The following RTTN variants were observed in gnomAD, a reference collection of about 807,000 sequenced individuals.
RTTN encodes the protein rotatin.
In RTTN, 182 loss-of-function variants were observed where a neutral mutation model predicts 269.2. That is an observed-to-expected ratio of 0.68 (90% CI 0.60 to 0.76). RTTN has a LOEUF of 0.76. RTTN is among the 30% of genes least tolerant of loss of function. RTTN has a pLI of 0.00. For missense variants in RTTN, 2,545 were observed against 2,608.6 expected, an observed-to-expected ratio of 0.98 and a Z score of 0.53; for synonymous variants, 1,006 against 963.5, an observed-to-expected ratio of 1.04 and a Z score of -0.82.
chr18:70,192,820 A>G (rs570982066), intron 8 of RTTN, among the ~76,000 whole-genome samples: 3 of 152,326 alleles, frequency 2.0e-5, no homozygotes, highest in Admixed American at 2.0e-4. Flanking sequence ...ACTTACAAAA[A>G]TATGTGTAAA....
At chr18:70,164,886 C>T (rs1200983618) in intron 14 of RTTN, among the ~76,000 whole-genome samples, 2 of 152,008 alleles carry the variant, frequency 1.3e-5, no homozygotes, top group Non-Finnish European at 2.9e-5. Flanking sequence ...CCGCAGGGCA[C>T]CACAGAAAAG....
chr18:70,048,255 G>T lies in RTTN; in HGVS notation c.5324-67C>A. 2.8e-6 allele frequency: 4 copies of T among 1,422,376 alleles called. No individual in the cohort carries two copies. The Admixed American group carries it at 7.4e-5, about 26-fold the overall frequency. 88.1% of individuals were successfully genotyped at this position (1,422,376 alleles called of 1,614,324 possible). A position where few individuals can be genotyped will look rare whatever the true frequency, so the allele number is the denominator to read the frequency against. On this transcript the variant is annotated intron_variant, in intron 39 of 48. Transcript: ENST00000640769. ...CAAAATTCAACAAAAAGGAAATCAA[G>T]TTGATTTTAAAGTAACTATACTCTG... is the stretch of plus-strand genomic sequence containing the variant.
Position 70,123,348 on chromosome 18 carries a change from A to T in RTTN, c.3384-1648T>A, listed in dbSNP as rs886697420. On this transcript the variant is annotated intron_variant, in intron 25 of 48. Transcript: ENST00000640769. ...ATACTTATTTCTCTGTGGTGAGAAC[A>T]TTTAACATCTATTCTTTTAGCTATT... Among the ~76,000 whole-genome samples, 10 of 144,894 alleles carry T rather than the reference A, an allele frequency of 6.9e-5. No homozygotes were observed. The East Asian group carries it at 9.6e-4, about 14-fold the overall frequency.
At chr18:70,075,578 T>TA in intron 32 of RTTN, 37 bp from the exon 33 acceptor site, 1 of 1,465,980 alleles carries the variant, frequency 6.8e-7, no homozygotes, top group Non-Finnish European at 9.1e-7. Flanking sequence ...GAGACACTGA[T>TA]TTATCCAACA....
rs2061590571 is a variant in RTTN, at chr18:70,188,187, A to G, written c.1226T>C (p.Leu409Pro). 1.2e-6 allele frequency: 2 copies of G among 1,611,080 alleles called. No individual in the cohort carries two copies. Among genetic ancestry groups the G allele is most frequent in the African/African-American group, 2.7e-5 (2 of 74,984 alleles). The change falls in exon 10 of 49, where the codon CTT (leucine) becomes CCT (proline). Residue 409 changes from leucine to proline, a missense_variant. Leu to Pro is a moderately conservative substitution (Grantham distance 98). Coordinates refer to ENST00000640769, the MANE Select transcript of RTTN (RefSeq NM_173630.4). ...ACCAATAAGTGTCATATCCTCTGTA[A>G]GCAATTCCAGAACTCTTATTATCAC... ...RQVIIRVLEL[L>P]TEDMTLIGEA...
At chr18:70,107,826 T>A (rs979821408) in intron 28 of RTTN, among the ~76,000 whole-genome samples, 4 of 152,170 alleles carry the variant, frequency 2.6e-5, no homozygotes, top group Non-Finnish European at 4.4e-5. Context: ...CACTACAGAT[T>A]CAGCAGACAT....
intron 35 of RTTN, among the ~76,000 whole-genome samples, chr18:70,061,158 T>C (rs372243790): frequency 2.6e-5 from 4 of 152,180 alleles, no homozygotes; most frequent in African/African-American, 9.7e-5. Flanking sequence ...TTTTAGTTTT[T>C]GAGGAACCTG....
intron 40 of RTTN, among the ~76,000 whole-genome samples, chr18:70,045,826 T>C (rs1048328270): frequency 1.1e-4 from 17 of 152,228 alleles, no homozygotes; most frequent in Admixed American, 6.5e-5. Flanking sequence ...AATTGGTTAA[T>C]GTATCCATAC....
At chr18:70,103,544 G>A (rs2059234734) in intron 28 of RTTN, among the ~76,000 whole-genome samples, 1 of 152,052 alleles carries the variant, frequency 6.6e-6, no homozygotes. Flanking sequence ...TTGTTAAACA[G>A]ATGCTTGAAG....
chr18:70,027,680 A>C (rs1361763200), intron 43 of RTTN, among the ~76,000 whole-genome samples: 1 of 152,226 alleles, frequency 6.6e-6, no homozygotes, highest in East Asian at 1.9e-4. Flanking sequence ...TCACAAGCAT[A>C]ATATCATAAG....
At chr18:70,047,905 C>G (rs770941209) in intron 40 of RTTN, 66 bp downstream of exon 40, 3 of 1,247,312 alleles carry the variant, frequency 2.4e-6, no homozygotes, top group African/African-American at 3.0e-5. Context: ...TTTAACAAGA[C>G]CATGACTGAA....
chr18:70,035,540 A>G (rs2057146654), intron 40 of RTTN, among the ~76,000 whole-genome samples: 1 of 152,184 alleles, frequency 6.6e-6, no homozygotes, highest in Non-Finnish European at 1.5e-5. Context: ...CCTTCCTTAC[A>G]TATATACAGA....
At chr18:70,072,205 T>C (rs1007688302) in intron 34 of RTTN, among the ~76,000 whole-genome samples, 14 of 152,118 alleles carry the variant, frequency 9.2e-5, no homozygotes, top group African/African-American at 2.9e-4. Context: ...ATTCTAAAAG[T>C]TGTTTGGAAA....
At position 70,148,661 on chromosome 18, in the gene RTTN, A is replaced by G. The variant is rs150941646; in HGVS notation, c.2309+240T>C. The stretch of plus-strand genomic sequence containing the variant: ...AGGGCACTACTGAGCGGCACTTAGT[A>G]GCAGTCCTGTAACACAGGCTGATCT... On this transcript the variant is annotated intron_variant, in intron 17 of 48. Coordinates refer to ENST00000640769, the MANE Select transcript of RTTN (RefSeq NM_173630.4). 6.3e-3 allele frequency among the ~76,000 whole-genome samples: 958 copies of G among 152,306 alleles called. 11 individuals are homozygous for G. The highest frequency in any genetic ancestry group is 0.022 in the African/African-American group (901 of 41,582).
intron 34 of RTTN, among the ~76,000 whole-genome samples, chr18:70,068,063 A>T (rs748808518): frequency 3.3e-5 from 5 of 152,200 alleles, no homozygotes; most frequent in Non-Finnish European, 7.4e-5. Context: ...TCTATTTTTT[A>T]AGTGTGCTAA....
chr18:70,193,751 T>C (rs559966799), intron 7 of RTTN, among the ~76,000 whole-genome samples: 35 of 152,286 alleles, frequency 2.3e-4, no homozygotes, highest in African/African-American at 7.7e-4. Context: ...CTTAAAACTC[T>C]CCAAGAATGG....
chr18:70,205,491 G>C, intron 1 of RTTN, 137 bp downstream of exon 1: 1 of 1,344,442 alleles, frequency 7.4e-7, no homozygotes, highest in Non-Finnish European at 1.1e-6. Context: ...ATGGGTCCCC[G>C]GGGGCTATCC....
At chr18:70,073,108 C>T (rs2058340245) in intron 34 of RTTN, among the ~76,000 whole-genome samples, 1 of 152,030 alleles carries the variant, frequency 6.6e-6, no homozygotes, top group Non-Finnish European at 1.5e-5. Flanking sequence ...ACAGGTGTAT[C>T]AAATCTTTCC....
At chr18:70,169,152 T>A in intron 11 of RTTN, 85 bp from the exon 12 acceptor site, 1 of 947,652 alleles carries the variant, frequency 1.1e-6, no homozygotes, top group Non-Finnish European at 1.5e-6. Flanking sequence ...ATAGTCTTAA[T>A]CTAATCCAAC....
Sources: gnomAD v4.1 joint callset for allele counts (sites outside exome capture counted in the v4.1 genomes callset) on GRCh38, gnomAD v4.1.1 for gene constraint, MANE v1.5 for transcripts, NCBI Gene and HGNC (gene_info 2026-07-23, HGNC 2026-07-21) for gene names.